NIPAL2: variants seen among roughly 807,000 people sequenced by gnomAD.
The protein encoded by NIPAL2 is NIPA like domain containing 2.
NIPAL2 carries 43 observed loss-of-function variants against 48.9 expected under a neutral mutation model. The observed-to-expected ratio is 0.88, with a 90% confidence interval of 0.69 to 1.13. The LOEUF is 1.13. Among genes scored for constraint, NIPAL2 ranks in the 50% most tolerant of loss-of-function variants. NIPAL2 has a pLI of 0.00. For missense variants in NIPAL2, 446 were observed against 461.4 expected, an observed-to-expected ratio of 0.97 and a Z score of 0.31; for synonymous variants, 167 against 174.6, an observed-to-expected ratio of 0.96 and a Z score of 0.34.
intron 4 of NIPAL2, among the ~76,000 whole-genome samples, chr8:98,225,699 G>A (rs4735542): frequency 0.66 from 100,093 of 151,834 alleles, 34,036 homozygotes; most frequent in South Asian, 0.76. Flanking sequence ...AATCTGCTCG[G>A]TGTTCTGTAC....
chr8:98,243,842 T>C (rs1335934277), intron 3 of NIPAL2, among the ~76,000 whole-genome samples: 1 of 152,210 alleles, frequency 6.6e-6, no homozygotes, highest in Non-Finnish European at 1.5e-5. Flanking sequence ...TTTTTAAATT[T>C]GTAACATTAA....
chr8:98,224,832 T>C (rs1279069228), intron 4 of NIPAL2, among the ~76,000 whole-genome samples: 1 of 148,894 alleles, frequency 6.7e-6, no homozygotes, highest in East Asian at 2.0e-4. Flanking sequence ...AAACTCAGCT[T>C]ACTGCAACCT....
chr8:98,226,428 A>G (rs1451721233), intron 4 of NIPAL2, among the ~76,000 whole-genome samples: 2 of 152,184 alleles, frequency 1.3e-5, no homozygotes, highest in African/African-American at 4.8e-5. Context: ...CTGTGGCCAT[A>G]TCTACATGAG....
chr8:98,221,112 T>C (rs1050042426), intron 5 of NIPAL2, among the ~76,000 whole-genome samples: 2 of 151,590 alleles, frequency 1.3e-5, no homozygotes, highest in Admixed American at 1.3e-4. Flanking sequence ...AGTAGCTGGG[T>C]TTACAGGTGT....
At chr8:98,220,810 A>C (rs1459795486) in intron 5 of NIPAL2, among the ~76,000 whole-genome samples, 1 of 151,996 alleles carries the variant, frequency 6.6e-6, no homozygotes, top group Non-Finnish European at 1.5e-5. Context: ...CCCTTCCTAG[A>C]ATATTATTAT....
Position 98,242,489 on chromosome 8 carries a change from T to TTTTTTGTTTTTTG in NIPAL2, c.377-6276_377-6275insCAAAAAACAAAAA, listed in dbSNP as rs1491319235. On this transcript the variant is annotated intron_variant, in intron 3 of 10. Coordinates refer to ENST00000430223, the MANE Select transcript of NIPAL2 (RefSeq NM_001321635.2). ...GGCAAAAGCCACTGCACCTGACAGA[T>TTTTTTGTTTTTTG]TTTTTTTTTTTTTTTTTTAACTGAG... 2.1e-3 allele frequency among the ~76,000 whole-genome samples: 29 copies of TTTTTTGTTTTTTG among 14,102 alleles called. 1 individual carries two copies. In the Admixed American group the frequency reaches 0.024, roughly 12 times the overall value. The allele number at this position is 14,102 out of a possible 152,430, so 9.3% of individuals were successfully genotyped here.
At position 98,228,655 on chromosome 8, in the gene NIPAL2, G is replaced by GCTCCATCTCAGGATGC. The variant is rs1554567614; in HGVS notation, c.437-6056_437-6055insGCATCCTGAGATGGAG. Among the ~76,000 whole-genome samples the GCTCCATCTCAGGATGC allele has an allele frequency of 2.9e-4, 44 of 151,916 alleles. 1 individual carries two copies. Among genetic ancestry groups the GCTCCATCTCAGGATGC allele is most frequent in the Admixed American group, 1.3e-4 (2 of 15,256 alleles). On this transcript the variant is annotated intron_variant, in intron 4 of 10. Coordinates refer to ENST00000430223, the MANE Select transcript of NIPAL2 (RefSeq NM_001321635.2). ...CTGACATGACAGCAGACCCTGGATA[G>GCTCCATCTCAGGATGC]ATCCATCTCAGGATGCATCTCAGGA...
At chr8:98,244,716 C>T (rs530229614) in intron 3 of NIPAL2, among the ~76,000 whole-genome samples, 1 of 152,210 alleles carries the variant, frequency 6.6e-6, no homozygotes, top group East Asian at 1.9e-4. Flanking sequence ...TCAGCCTTAG[C>T]CAACTGCAAA....
intron 5 of NIPAL2, among the ~76,000 whole-genome samples, chr8:98,216,341 A>G (rs2130736004): frequency 6.6e-6 from 1 of 152,346 alleles, no homozygotes; most frequent in Middle Eastern, 3.4e-3. Flanking sequence ...AGAGGATAAC[A>G]GTGGCCCATG....
At chr8:98,231,986 A>G (rs1812461917) in intron 4 of NIPAL2, 1 of 152,012 alleles carries the variant, frequency 6.6e-6, no homozygotes, top group Admixed American at 6.6e-5. Context: ...GTCCCTATAA[A>G]GAAAAAGATG....
chr8:98,210,684 T>C (rs1811266359), intron 6 of NIPAL2, among the ~76,000 whole-genome samples: 2 of 152,206 alleles, frequency 1.3e-5, no homozygotes, highest in South Asian at 2.1e-4. Flanking sequence ...CTGAGAGAAG[T>C]CTCCTAACCC....
chr8:98,268,402 C>G (rs1271828617), intron 1 of NIPAL2, among the ~76,000 whole-genome samples: 1 of 152,088 alleles, frequency 6.6e-6, no homozygotes, highest in Non-Finnish European at 1.5e-5. Context: ...GGGCAGATCA[C>G]TTGAGGTCAG....
At chr8:98,261,489 C>A (rs1814326782) in intron 1 of NIPAL2, among the ~76,000 whole-genome samples, 1 of 145,952 alleles carries the variant, frequency 6.9e-6, no homozygotes, top group Non-Finnish European at 1.5e-5. Flanking sequence ...ATGCAGAAGC[C>A]TCAGGAGCCG....
At chr8:98,200,557 C>T (rs1481509395) in intron 8 of NIPAL2, among the ~76,000 whole-genome samples, 1 of 152,142 alleles carries the variant, frequency 6.6e-6, no homozygotes, top group Non-Finnish European at 1.5e-5. Flanking sequence ...GTTGCTTCTA[C>T]CTTCTGTCTA....
Position 98,266,048 on chromosome 8 carries a change from C to T in NIPAL2, c.136-11961G>A, listed in dbSNP as rs1436459576. On this transcript the variant is annotated intron_variant, in intron 1 of 10. Transcript: ENST00000430223. ...ATCGCAAGAACAAAAAACCAAACAC[C>T]GCATATTCTCACTCATAGGTGGGAA... Among the ~76,000 whole-genome samples the T allele has an allele frequency of 5.3e-4, 78 of 146,892 alleles. No individual in the cohort carries two copies. In the East Asian group the frequency reaches 9.5e-3, roughly 18 times the overall value.
intron 9 of NIPAL2, among the ~76,000 whole-genome samples, chr8:98,195,234 C>T (rs1810489046): frequency 6.6e-6 from 1 of 152,134 alleles, no homozygotes; most frequent in African/African-American, 2.4e-5. Context: ...GAAGTTTGGC[C>T]TTGCCCAATT....
At chr8:98,273,863 A>G (rs890578805) in intron 1 of NIPAL2, among the ~76,000 whole-genome samples, 15 of 152,128 alleles carry the variant, frequency 9.9e-5, no homozygotes, top group African/African-American at 3.6e-4. Flanking sequence ...TCTCAGCTTC[A>G]TGTGTAGTTT....
chr8:98,261,182 A>T (rs1374585941), intron 1 of NIPAL2, among the ~76,000 whole-genome samples: 1 of 151,294 alleles, frequency 6.6e-6, no homozygotes, highest in African/African-American at 2.4e-5. Flanking sequence ...TGGGGAAAAA[A>T]CAGAACAGAA....
intron 1 of NIPAL2, among the ~76,000 whole-genome samples, chr8:98,279,819 G>A (rs974930404): frequency 7.9e-5 from 12 of 152,176 alleles, no homozygotes; most frequent in African/African-American, 2.9e-4. Flanking sequence ...ATAAGTAGAG[G>A]CCAAAACACA....
Sources: allele counts gnomAD v4.1 joint callset (sites outside exome capture counted in the v4.1 genomes callset), GRCh38; gene constraint gnomAD v4.1.1; transcripts MANE v1.5; gene names NCBI Gene and HGNC (gene_info 2026-07-23, HGNC 2026-07-21).